PRAG1: variants seen among roughly 807,000 people sequenced by gnomAD.
PRAG1 encodes the protein PEAK1 related, kinase-activating pseudokinase 1, also known as inactive tyrosine-protein kinase PRAG1.
In PRAG1, 110 loss-of-function variants were observed where a neutral mutation model predicts 95.6. The observed-to-expected ratio is 1.15, with a 90% CI of 0.99 to 1.35. The LOEUF (loss-of-function observed/expected upper bound fraction) is 1.35. Ranked by LOEUF, PRAG1 falls within the 40% of genes most tolerant of loss-of-function variation. The pLI is 0.00. For missense variants in PRAG1, 2,554 were observed against 1,864.7 expected (o/e 1.37, Z -6.81); for synonymous variants, 1,052 against 819.4 (o/e 1.28, Z -4.85).
Position 8,386,418 on chromosome 8 carries a change from C to G in PRAG1, c.-185G>C, listed in dbSNP as rs1241510780. 1 of 151,778 alleles carries G rather than the reference C, an allele frequency of 6.6e-6. No individual in the cohort carries two copies. Among genetic ancestry groups the G allele is most frequent in the Non-Finnish European group, 1.5e-5 (1 of 67,910 alleles). The allele number at this position is 151,778 out of a possible 1,614,324, so 9.4% of individuals were successfully genotyped here. A position where few individuals can be genotyped will look rare whatever the true frequency, so the allele number is the denominator to read the frequency against. ...AGAAGGTCTGCGCGCGGTGCGTGCC[C>G]GGCCGCGGGCGGGTGGCTTCTGCCT... On this transcript the variant is annotated 5_prime_UTR_variant, in exon 1 of 6. Transcript: ENST00000615670.
chr8:8,379,813 G>A (rs1800571538), intron 2 of PRAG1, among the ~76,000 whole-genome samples: 1 of 152,200 alleles, frequency 6.6e-6, no homozygotes, highest in African/African-American at 2.4e-5. Flanking sequence ...TGTGGAATGA[G>A]CAGAATGGTC....
At position 8,318,785 on chromosome 8, in the gene PRAG1, C is replaced by T. The variant is rs1351912931; in HGVS notation, c.3590G>A (p.Gly1197Asp). The T allele has an allele frequency of 2.0e-6, 3 of 1,504,372 alleles. No homozygotes were observed. The highest frequency in any genetic ancestry group is 2.1e-4 in the Middle Eastern group (1 of 4,826). The allele number at this position is 1,504,372 out of a possible 1,614,324, so 93.2% of individuals were successfully genotyped here. ...PAGGTLSPAA[G>D]PASPEGPREK... ...CCGGGGCCCTTCCGGGGAGGCGGGG[C>T]CGGCTGCGGGGCTGAGAGTGCCACC... Residue 1197 changes from glycine to aspartate, a missense_variant, in exon 6 of 6, where the codon GGC becomes GAC. By Grantham distance (94) the Gly-to-Asp change is moderately conservative (BLOSUM62 -1). Coordinates refer to ENST00000615670, the MANE Select transcript of PRAG1 (RefSeq NM_001080826.3). The surrounding 1 kb of genome is among the most constrained non-coding windows in gnomAD (Gnocchi z 4.2).
chr8:8,375,717 A>T (rs960395296), intron 3 of PRAG1, among the ~76,000 whole-genome samples: 13 of 151,706 alleles, frequency 8.6e-5, no homozygotes, highest in African/African-American at 2.9e-4. Flanking sequence ...TAGAGACAGG[A>T]TCTCCTTATG....
intron 3 of PRAG1, among the ~76,000 whole-genome samples, chr8:8,355,583 T>C (rs968447798): frequency 1.3e-5 from 2 of 152,094 alleles, no homozygotes; most frequent in African/African-American, 4.8e-5. Flanking sequence ...ACCAGAAGCA[T>C]AGAGCAATAA....
At position 8,319,077 on chromosome 8, in the gene PRAG1, C is replaced by T; in HGVS notation, c.3298G>A (p.Ala1100Thr). The change falls in exon 6 of 6, where the codon GCC becomes ACC. Residue 1100 changes from alanine (A) to threonine (T), a missense_variant. Transcript: ENST00000615670. ...VITREVPHQT[A>T]SDFVRDSAAS... is the part of the protein sequence containing the mutation. ...GCCGAGTCCCGCACGAAGTCGGAGG[C>T]GGTCTGATGTGGCACCTCTCGGGTG... 6.2e-7 allele frequency: 1 copy of T among 1,611,130 alleles called. No homozygotes were observed. Among genetic ancestry groups the T allele is most frequent in the African/African-American group, 1.3e-5 (1 of 75,034 alleles).
chr8:8,381,364 T>G (rs1032930240), intron 2 of PRAG1, 54 bp downstream of exon 2: 102 of 1,525,836 alleles, frequency 6.7e-5, no homozygotes, highest in Non-Finnish European at 8.6e-5. Flanking sequence ...AGTCACCAAG[T>G]GTTCAAACAG....
intron 2 of PRAG1, among the ~76,000 whole-genome samples, chr8:8,380,347 T>G (rs1257286977): frequency 1.3e-5 from 2 of 150,806 alleles, no homozygotes; most frequent in Non-Finnish European, 3.0e-5. Context: ...GCCTATAATC[T>G]CAGCACTTTG....
At chr8:8,372,431 T>C (rs1800239291) in intron 3 of PRAG1, among the ~76,000 whole-genome samples, 1 of 152,258 alleles carries the variant, frequency 6.6e-6, no homozygotes. Context: ...CTTATAATTC[T>C]GCCTTATATT....
At chr8:8,345,611 T>G (rs1404243960) in intron 3 of PRAG1, among the ~76,000 whole-genome samples, 4 of 151,828 alleles carry the variant, frequency 2.6e-5, no homozygotes, top group Admixed American at 2.6e-4. Context: ...GCCAACATGG[T>G]GAAACCCCAC....
intron 3 of PRAG1, among the ~76,000 whole-genome samples, chr8:8,359,304 T>C (rs1246035817): frequency 6.6e-6 from 1 of 152,228 alleles, no homozygotes; most frequent in Non-Finnish European, 1.5e-5. Flanking sequence ...AGATGGGTTT[T>C]AGTAAGAGTT....
At chr8:8,335,315 T>C (rs2976954) in intron 4 of PRAG1, among the ~76,000 whole-genome samples, 50,483 of 151,826 alleles carry the variant, frequency 0.33, 9,038 homozygotes, top group African/African-American at 0.47. Context: ...CCAAATAATA[T>C]AATGAAAAAT....
chr8:8,328,659 T>C lies in PRAG1; in HGVS notation c.2321-198A>G, dbSNP rs374143393. 2.4e-4 allele frequency among the ~76,000 whole-genome samples: 36 copies of C among 152,350 alleles called. 1 individual carries two copies. In the South Asian group the frequency reaches 5.8e-3, roughly 25 times the overall value. On this transcript the variant is annotated intron_variant, in intron 4 of 5. Transcript: ENST00000615670. ...TGCAGAAAAGGTATAGATTGACAAC[T>C]AAGTCTTCCTCCTACCCTGTCCCTC...
intron 5 of PRAG1, among the ~76,000 whole-genome samples, chr8:8,326,133 TTAA>T (rs1015768067): frequency 7.4e-5 from 11 of 147,662 alleles, no homozygotes; most frequent in African/African-American, 4.9e-5. Flanking sequence ...ACTACTACTA[TTAA>T]TAATATTCAG....
Position 8,319,257 on chromosome 8 carries a change from A to ACGGGCTGCAGTAG in PRAG1, c.3105_3117dup (p.Ser1040LeufsTer11). 1 of 1,538,940 alleles carries ACGGGCTGCAGTAG rather than the reference A, an allele frequency of 6.5e-7. No homozygotes were observed. Among genetic ancestry groups the ACGGGCTGCAGTAG allele is most frequent in the Non-Finnish European group, 8.8e-7 (1 of 1,136,798 alleles). On this transcript the variant is annotated frameshift_variant, in exon 6 of 6. Coordinates refer to ENST00000615670, the MANE Select transcript of PRAG1 (RefSeq NM_001080826.3). LOFTEE classifies it high-confidence loss of function. ...TGGATGTTAAAGTGCACGGGCACGG[A>ACGGGCTGCAGTAG]CGGGCTGCAGTAGGAGACTGTTTTG... is the stretch of plus-strand genomic sequence containing the variant.
chr8:8,318,794 G>A lies in PRAG1; in HGVS notation c.3581C>T (p.Pro1194Leu), dbSNP rs1374188460. The A allele has an allele frequency of 6.0e-6, 9 of 1,507,064 alleles. No homozygotes were observed. The highest frequency in any genetic ancestry group is 2.8e-5 in the African/African-American group (2 of 71,832). 93.4% of individuals were successfully genotyped at this position (1,507,064 alleles called of 1,614,324 possible). ...AAPPAGGTLS[P>L]AAGPASPEGP... ...TTCCGGGGAGGCGGGGCCGGCTGCG[G>A]GGCTGAGAGTGCCACCAGCAGGCGG... The change falls in exon 6 of 6, where the codon CCC becomes CTC. Residue 1194 changes from proline (P) to leucine (L), a missense_variant. Coordinates refer to ENST00000615670, the MANE Select transcript of PRAG1 (RefSeq NM_001080826.3). The surrounding 1 kb of genome is among the most constrained non-coding windows in gnomAD (Gnocchi z 4.2).
Position 8,376,531 on chromosome 8 carries a change from G to A in PRAG1, c.1878C>T (p.Pro626=). 1.9e-6 allele frequency: 3 copies of A among 1,610,020 alleles called. No individual in the cohort carries two copies. The highest frequency in any genetic ancestry group is 2.5e-6 in the Non-Finnish European group (3 of 1,177,128). ...AASSASEQRR[P]RFQAGTWSRQ... ...GACTCCAGGTGCCTGCCTGGAACCT[G>A]GGCCGCCTCTGTTCCGAGGCTGACG... Residue 626 remains proline, a synonymous_variant, in exon 3 of 6, where the codon CCC becomes CCT. Transcript: ENST00000615670.
At chr8:8,378,646 G>C (rs924096001) in intron 2 of PRAG1, among the ~76,000 whole-genome samples, 4 of 152,098 alleles carry the variant, frequency 2.6e-5, no homozygotes, top group African/African-American at 9.7e-5. Context: ...GATTGCTTGA[G>C]CCCAGGAGTT....
At position 8,319,178 on chromosome 8, in the gene PRAG1, G is replaced by C; in HGVS notation, c.3197C>G (p.Pro1066Arg). 3.1e-6 allele frequency: 5 copies of C among 1,603,570 alleles called. No homozygotes were observed. Among genetic ancestry groups the C allele is most frequent in the East Asian group, 4.5e-5 (2 of 44,358 alleles). The change falls in exon 6 of 6, where the codon CCC becomes CGC. Residue 1066 changes from proline (P) to arginine (R), a missense_variant. Transcript: ENST00000615670. ...ASVPSSMLSS[P>R]DAPKDPVPAL... Reference sequence around the variant, plus strand: ...AGGCACAGGGTCCTTGGGCGCGTCGGGGGAGCTGAGCATGCTGGACGGCAC... The same window carrying C: ...AGGCACAGGGTCCTTGGGCGCGTCGCGGGAGCTGAGCATGCTGGACGGCAC...
At position 8,377,482 on chromosome 8, in the gene PRAG1, C is replaced by G. The variant is rs752570742; in HGVS notation, c.927G>C (p.Lys309Asn). The G allele has an allele frequency of 6.4e-7, 1 of 1,551,836 alleles. No homozygotes were observed. The highest frequency in any genetic ancestry group is 8.7e-7 in the Non-Finnish European group (1 of 1,149,770). Reference protein sequence around the residue: ...EQEKRGPSFPKECCSQGPTAH... With the variant: ...EQEKRGPSFPNECCSQGPTAH... ...CAGTGGGGCCCTGGCTACAGCACTC[C>G]TTGGGGAAGCTCGGGCCCCGCTTCT... The change falls in exon 3 of 6, where the codon AAG (lysine) becomes AAC (asparagine). Residue 309 changes from lysine (K) to asparagine (N), a missense_variant. Transcript: ENST00000615670.
Sources: allele counts gnomAD v4.1 joint callset (sites outside exome capture counted in the v4.1 genomes callset), GRCh38; gene constraint gnomAD v4.1.1; non-coding constraint Gnocchi (gnomAD v3.1); transcripts MANE v1.5; gene names NCBI Gene and HGNC (gene_info 2026-07-23, HGNC 2026-07-21).